ITPR2: variants seen among roughly 807,000 people sequenced by gnomAD.
ITPR2 encodes the protein inositol 1,4,5-trisphosphate receptor type 2.
ITPR2 carries 207 observed loss-of-function variants against 317.1 expected under a neutral mutation model. The ratio of observed to expected loss-of-function variants is 0.65; its 90% CI spans 0.58 to 0.73. ITPR2 has a LOEUF of 0.73. ITPR2 is among the 30% of genes least tolerant of loss of function. ITPR2 has a pLI of 0.00. For missense variants in ITPR2, 2,613 were observed against 3,284.0 expected (o/e 0.80, Z 4.99); for synonymous variants, 1,156 against 1,149.1 (o/e 1.01, Z -0.12).
intron 2 of ITPR2, among the ~76,000 whole-genome samples, chr12:26,766,466 G>T (rs1342780138): frequency 6.6e-6 from 1 of 151,812 alleles, no homozygotes; most frequent in Non-Finnish European, 1.5e-5. Flanking sequence ...TTTCAATTGG[G>T]TTGTCTTTTT....
chr12:26,793,307 A>G lies in ITPR2; in HGVS notation c.93-3080T>C, dbSNP rs1170314083. ...ACCATGTCATAATTTTGCCCATTTT[A>G]ACCACTCATGATCAGTGTTCCCCAA... is the stretch of plus-strand genomic sequence containing the variant. On this transcript the variant is annotated intron_variant, in intron 1 of 56. Transcript: ENST00000381340. Among the ~76,000 whole-genome samples the G allele has an allele frequency of 6.6e-5, 10 of 152,300 alleles. No individual in the cohort carries two copies. In the East Asian group the frequency reaches 1.9e-3, roughly 29 times the overall value.
intron 10 of ITPR2, among the ~76,000 whole-genome samples, chr12:26,689,102 C>A (rs1341281446): frequency 6.6e-6 from 1 of 152,020 alleles, no homozygotes; most frequent in Non-Finnish European, 1.5e-5. Context: ...ATGTTATATA[C>A]CTTAACTATA....
chr12:26,485,686 A>C (rs1464732118), intron 41 of ITPR2, among the ~76,000 whole-genome samples: 1 of 152,230 alleles, frequency 6.6e-6, no homozygotes, highest in Non-Finnish European at 1.5e-5. Flanking sequence ...AAGACATACA[A>C]ATATACTCAG....
rs895695501 is a variant in ITPR2, at chr12:26,617,592, G to T, written c.3462+3531C>A. Among the ~76,000 whole-genome samples the T allele has an allele frequency of 1.9e-4, 28 of 144,382 alleles. 1 individual carries two copies. The highest frequency in any genetic ancestry group is 7.8e-4 in the Admixed American group (11 of 14,148). 94.7% of individuals were successfully genotyped at this position (144,382 alleles called of 152,430 possible). On this transcript the variant is annotated intron_variant, in intron 26 of 56. Coordinates refer to ENST00000381340, the MANE Select transcript of ITPR2 (RefSeq NM_002223.4). ...CTACTGCTTGATAGGAACAGTGAAAGAAAGAAAGAAAAGAAAAGAGGAAAG... is the reference window on the plus strand; with the variant it reads ...CTACTGCTTGATAGGAACAGTGAAATAAAGAAAGAAAAGAAAAGAGGAAAG...
At position 26,711,233 on chromosome 12, in the gene ITPR2, T is replaced by C; in HGVS notation, c.891A>G (p.Gly297=). Residue 297 remains glycine, a synonymous_variant, in exon 9 of 57, where the codon GGA becomes GGG. Transcript: ENST00000381340. The stretch of plus-strand genomic sequence containing the variant: ...TAAATCTGAACAAGCTGTTCCACTG[T>C]CCTGCACCCCCACGGCATGGGTCAT... ...VHHDPCRGGA[G]QWNSLFRFKH... is the part of the protein sequence containing the mutation. The C allele has an allele frequency of 1.9e-6, 3 of 1,613,898 alleles. No homozygotes were observed. Among genetic ancestry groups the C allele is most frequent in the Non-Finnish European group, 2.5e-6 (3 of 1,179,842 alleles).
intron 21 of ITPR2, among the ~76,000 whole-genome samples, chr12:26,633,505 T>G (rs1946798284): frequency 6.6e-6 from 1 of 152,224 alleles, no homozygotes; most frequent in South Asian, 2.1e-4. Context: ...GCTACTTGCA[T>G]AAGCCAAAAA....
intron 13 of ITPR2, among the ~76,000 whole-genome samples, chr12:26,671,718 A>T (rs1220847648): frequency 6.6e-6 from 1 of 152,202 alleles, no homozygotes; most frequent in Non-Finnish European, 1.5e-5. Flanking sequence ...TTAAATGTAA[A>T]TGGACTAAAT....
At chr12:26,700,952 A>T (rs1948433565) in intron 9 of ITPR2, among the ~76,000 whole-genome samples, 1 of 152,244 alleles carries the variant, frequency 6.6e-6, no homozygotes, top group Non-Finnish European at 1.5e-5. Context: ...TTTTGCAAGG[A>T]AACAATTAAA....
At chr12:26,660,446 A>G (rs2136913778) in intron 15 of ITPR2, among the ~76,000 whole-genome samples, 1 of 152,288 alleles carries the variant, frequency 6.6e-6, no homozygotes, top group South Asian at 2.1e-4. Flanking sequence ...TTCCACCATG[A>G]AAGGTTCTTA....
intron 37 of ITPR2, among the ~76,000 whole-genome samples, chr12:26,503,788 G>A (rs928004999): frequency 1.3e-5 from 2 of 152,326 alleles, no homozygotes; most frequent in South Asian, 2.1e-4. Context: ...AACAGCTACT[G>A]TAATATTTTA....
intron 2 of ITPR2, among the ~76,000 whole-genome samples, chr12:26,740,035 G>A (rs1025692398): frequency 6.6e-6 from 1 of 152,106 alleles, no homozygotes; most frequent in African/African-American, 2.4e-5. Context: ...CCCCGCACAC[G>A]GCAGCTCTCA....
intron 1 of ITPR2, among the ~76,000 whole-genome samples, chr12:26,827,899 T>C (rs1427362848): frequency 1.3e-5 from 2 of 152,252 alleles, no homozygotes; most frequent in African/African-American, 2.4e-5. Flanking sequence ...GTCTCCAATC[T>C]GATTCACTTT....
At chr12:26,600,586 A>T (rs1167458922) in intron 28 of ITPR2, among the ~76,000 whole-genome samples, 2 of 150,460 alleles carry the variant, frequency 1.3e-5, no homozygotes, top group African/African-American at 4.9e-5. Context: ...GTATGCCTAT[A>T]TCTCCATCAT....
chr12:26,556,519 T>C, intron 35 of ITPR2, 144 bp from the exon 36 acceptor site: 2 of 785,560 alleles, frequency 2.5e-6, no homozygotes, highest in South Asian at 3.9e-5. Flanking sequence ...GCCATAATTA[T>C]AGTCTGGTTT....
intron 49 of ITPR2, among the ~76,000 whole-genome samples, chr12:26,422,890 A>T (rs544968979): frequency 3.3e-4 from 51 of 152,304 alleles, no homozygotes; most frequent in African/African-American, 1.2e-3. Flanking sequence ...TGTAAGTTAA[A>T]CTTCTTACTA....
intron 37 of ITPR2, among the ~76,000 whole-genome samples, chr12:26,505,442 G>A (rs532937809): frequency 6.6e-6 from 1 of 152,260 alleles, no homozygotes. Context: ...CACCAGCCAT[G>A]CTTTCTGTCC....
At chr12:26,646,513 C>G (rs1947117439) in intron 21 of ITPR2, among the ~76,000 whole-genome samples, 1 of 152,156 alleles carries the variant, frequency 6.6e-6, no homozygotes, top group Admixed American at 6.5e-5. Flanking sequence ...AGTTGACATC[C>G]TCTTACTTTG....
intron 21 of ITPR2, among the ~76,000 whole-genome samples, chr12:26,644,622 C>T (rs1022238644): frequency 6.6e-6 from 1 of 152,130 alleles, no homozygotes; most frequent in Non-Finnish European, 1.5e-5. Context: ...CAAGGGAACT[C>T]CCCTTTATAA....
intron 45 of ITPR2, among the ~76,000 whole-genome samples, chr12:26,451,209 G>T (rs1414602876): frequency 6.6e-6 from 1 of 152,054 alleles, no homozygotes; most frequent in Non-Finnish European, 1.5e-5. Flanking sequence ...GGAGAACAGG[G>T]GTGATCATTC....
Sources: gnomAD v4.1 joint callset for allele counts (sites outside exome capture counted in the v4.1 genomes callset) on GRCh38, gnomAD v4.1.1 for gene constraint, MANE v1.5 for transcripts, NCBI Gene and HGNC (gene_info 2026-07-23, HGNC 2026-07-21) for gene names.